The following GPC6 variants were observed in gnomAD, a reference collection of about 807,000 sequenced individuals.
GPC6 encodes glypican 6.
Under a neutral mutation model 55.2 loss-of-function variants are expected in GPC6, and 14 were observed. The observed-to-expected ratio is 0.25, with a 90% CI of 0.17 to 0.40. The LOEUF (loss-of-function observed/expected upper bound fraction) is 0.40, where lower values mean the gene tolerates loss of function less well. GPC6 is among the 10% of genes least tolerant of loss of function. The pLI is 1.00. For synonymous variants in GPC6, 278 were observed against 259.6 expected (o/e 1.07, Z -0.68); for missense variants, 641 against 708.5 (o/e 0.90, Z 1.08).
rs1390706389 is a variant in GPC6 at position 93,248,955 on chromosome 13, G to A, written c.160+21339G>A. Among the ~76,000 whole-genome samples the A allele has an allele frequency of 2.6e-5, 4 of 152,278 alleles. No homozygotes were observed. The East Asian group carries it at 5.8e-4, about 22-fold the overall frequency. ...TAATGGCCTTTTAACAGTGTTTCCA[G>A]CTGAGCAGCAGATGTAAAGGATACT... On this transcript the variant is annotated intron_variant, in intron 1 of 8. Coordinates refer to ENST00000377047, the MANE Select transcript of GPC6 (RefSeq NM_005708.5).
At chr13:93,501,093 A>G (rs865985077) in intron 1 of GPC6, among the ~76,000 whole-genome samples, 1 of 152,164 alleles carries the variant, frequency 6.6e-6, no homozygotes, top group African/African-American at 2.4e-5. Flanking sequence ...CAGTCAGTCA[A>G]TTATTATAAA....
chr13:93,231,320 T>TATATATATACATATATATATATAC (rs1211050236), intron 1 of GPC6, among the ~76,000 whole-genome samples: 1 of 59,944 alleles, frequency 1.7e-5, no homozygotes, highest in African/African-American at 8.8e-5. Context: ...ATTTCATATA[T>TATATATATACATATATATATATAC]ATATATATAC....
intron 2 of GPC6, among the ~76,000 whole-genome samples, chr13:93,699,052 C>A (rs1044812796): frequency 6.6e-6 from 1 of 151,970 alleles, no homozygotes; most frequent in African/African-American, 2.4e-5. Context: ...TCCAGCAGTC[C>A]ATGAGAATTG....
rs148186132 is a variant in GPC6, at chr13:93,878,074, A to C, written c.711+47529A>C. On this transcript the variant is annotated intron_variant, in intron 3 of 8. Transcript: ENST00000377047. Reference sequence around the variant, plus strand: ...ATTGATGCTGAAAAAATAAGTTGTTATTTGTCTTTTTAAAAAAGTGTTGAT... The same window carrying C: ...ATTGATGCTGAAAAAATAAGTTGTTCTTTGTCTTTTTAAAAAAGTGTTGAT... Among the ~76,000 whole-genome samples, 894 of 152,134 alleles carry C rather than the reference A, an allele frequency of 5.9e-3. 2 individuals carry two copies. The highest frequency in any genetic ancestry group is 0.017 in the Middle Eastern group (5 of 294).
intron 2 of GPC6, among the ~76,000 whole-genome samples, chr13:93,669,632 T>C (rs867276091): frequency 6.6e-6 from 1 of 152,162 alleles, no homozygotes; most frequent in Non-Finnish European, 1.5e-5. Context: ...GTTTTATTCA[T>C]GCAGGAAGTG....
At chr13:93,568,191 C>T (rs1566428017) in intron 2 of GPC6, among the ~76,000 whole-genome samples, 2 of 152,202 alleles carry the variant, frequency 1.3e-5, no homozygotes, top group Admixed American at 6.5e-5. Flanking sequence ...GTTACCTCCA[C>T]TTACCAAGTA....
chr13:93,925,076 A>G (rs972693380), intron 3 of GPC6, among the ~76,000 whole-genome samples: 1 of 152,206 alleles, frequency 6.6e-6, no homozygotes, highest in Non-Finnish European at 1.5e-5. Context: ...CACACAGCAC[A>G]GTGCTACTGT....
chr13:94,172,259 G>A (rs992554915), intron 4 of GPC6, among the ~76,000 whole-genome samples: 16 of 151,402 alleles, frequency 1.1e-4, no homozygotes, highest in African/African-American at 3.6e-4. Context: ...ATAAAAATGC[G>A]TATCTCATAG....
chr13:94,377,561 G>T (rs200973862), intron 6 of GPC6, among the ~76,000 whole-genome samples: 3,826 of 149,006 alleles, frequency 0.026, 177 homozygotes, highest in East Asian at 0.23. Flanking sequence ...TGCTGGAGAG[G>T]ATGTGGAGAA....
intron 2 of GPC6, among the ~76,000 whole-genome samples, chr13:93,800,530 A>C (rs1352890500): frequency 2.6e-5 from 4 of 152,162 alleles, no homozygotes; most frequent in Admixed American, 2.6e-4. Context: ...TTTAGAGCAG[A>C]GATTAGTGTC....
At chr13:93,917,250 A>C (rs1273530489) in intron 3 of GPC6, among the ~76,000 whole-genome samples, 1 of 152,194 alleles carries the variant, frequency 6.6e-6, no homozygotes, top group African/African-American at 2.4e-5. Context: ...AAGTGAGGCC[A>C]ATTTTTCTTC....
intron 4 of GPC6, among the ~76,000 whole-genome samples, chr13:94,261,747 A>C (rs1247144461): frequency 1.3e-5 from 2 of 152,200 alleles, no homozygotes; most frequent in African/African-American, 4.8e-5. Flanking sequence ...GTGAAGCACA[A>C]GTCAGTAGCG....
chr13:93,744,865 G>A (rs149895603), intron 2 of GPC6, among the ~76,000 whole-genome samples: 128 of 151,680 alleles, frequency 8.4e-4, no homozygotes, highest in Non-Finnish European at 1.5e-3. Context: ...CCCAGGAAGC[G>A]AAGGATGCAG....
intron 4 of GPC6, among the ~76,000 whole-genome samples, chr13:94,206,996 A>T (rs1249856655): frequency 6.6e-6 from 1 of 152,130 alleles, no homozygotes. Context: ...ACCCTAAATC[A>T]TCTCATGACC....
chr13:93,370,604 T>C (rs1038981943), intron 1 of GPC6, among the ~76,000 whole-genome samples: 2 of 152,006 alleles, frequency 1.3e-5, no homozygotes, highest in Non-Finnish European at 2.9e-5. Context: ...AGAATCCAGG[T>C]TTTGTTAAGT....
intron 1 of GPC6, among the ~76,000 whole-genome samples, chr13:93,292,082 A>T (rs576111602): frequency 1.3e-5 from 2 of 152,240 alleles, no homozygotes; most frequent in Non-Finnish European, 2.9e-5. Flanking sequence ...ACAGTATTTC[A>T]CAATGATAAA....
upstream of GPC6, among the ~76,000 whole-genome samples, chr13:93,222,675 A>C (rs1875654104): frequency 6.6e-6 from 1 of 152,164 alleles, no homozygotes; most frequent in Non-Finnish European, 1.5e-5. Context: ...TTCTCTTCTT[A>C]CCTTTGCAAC....
chr13:93,626,726 C>T (rs543656946), intron 2 of GPC6, among the ~76,000 whole-genome samples: 25 of 150,696 alleles, frequency 1.7e-4, no homozygotes, highest in African/African-American at 4.7e-4. Flanking sequence ...TGCTGGAACC[C>T]GGGAGGCGGA....
chr13:93,580,200 C>G (rs1339775995), intron 2 of GPC6, among the ~76,000 whole-genome samples: 1 of 152,096 alleles, frequency 6.6e-6, no homozygotes, highest in Non-Finnish European at 1.5e-5. Context: ...TGTGACCTCA[C>G]CTGGTGGAAA....
Sources: allele counts gnomAD v4.1 joint callset (sites outside exome capture counted in the v4.1 genomes callset), GRCh38; gene constraint gnomAD v4.1.1; transcripts MANE v1.5; gene names NCBI Gene and HGNC (gene_info 2026-07-23, HGNC 2026-07-21).